Variants in SNTG1 observed in about 807,000 individuals in gnomAD.
The protein encoded by SNTG1 is syntrophin gamma 1, also known as gamma-1-syntrophin.
SNTG1 carries 39 observed loss-of-function variants against 74.7 expected under a neutral mutation model. That is an observed-to-expected ratio of 0.52 (90% CI 0.40 to 0.68). SNTG1 has a LOEUF of 0.68. Among genes scored for constraint, SNTG1 ranks in the 30% least tolerant of loss-of-function variants. The pLI is 0.00. For synonymous variants in SNTG1, 254 were observed against 217.1 expected (o/e 1.17, Z -1.49); for missense variants, 685 against 609.5 (o/e 1.12, Z -1.30).
intron 8 of SNTG1, among the ~76,000 whole-genome samples, chr8:50,456,485 A>G (rs1408558299): frequency 3.9e-5 from 6 of 152,076 alleles, no homozygotes; most frequent in Non-Finnish European, 7.4e-5. Context: ...CTTTAAAGAT[A>G]GTGTCTTTTT....
At chr8:50,582,186 G>T (rs189566832) in intron 12 of SNTG1, among the ~76,000 whole-genome samples, 1 of 152,146 alleles carries the variant, frequency 6.6e-6, no homozygotes, top group Non-Finnish European at 1.5e-5. Context: ...TGCTTTTTAA[G>T]TGATTAGCTT....
chr8:50,326,184 T>C (rs926814973), intron 2 of SNTG1, among the ~76,000 whole-genome samples: 1 of 152,054 alleles, frequency 6.6e-6, no homozygotes, highest in South Asian at 2.1e-4. Flanking sequence ...CTTTATATTG[T>C]TTTTATATTA....
chr8:50,137,262 G>A (rs951854532), intron 1 of SNTG1, among the ~76,000 whole-genome samples: 2 of 152,134 alleles, frequency 1.3e-5, no homozygotes, highest in African/African-American at 4.8e-5. Context: ...AAATTTAAAA[G>A]GGTGCATAAC....
intron 13 of SNTG1, among the ~76,000 whole-genome samples, chr8:50,625,103 G>C (rs1474002283): frequency 6.6e-6 from 1 of 152,104 alleles, no homozygotes; most frequent in Non-Finnish European, 1.5e-5. Flanking sequence ...CCTTGTCTAA[G>C]CTCTTCACAT....
intron 8 of SNTG1, among the ~76,000 whole-genome samples, chr8:50,494,120 T>G (rs80305986): frequency 6.7e-6 from 1 of 148,802 alleles, no homozygotes; most frequent in Non-Finnish European, 1.5e-5. Context: ...TATGTATATA[T>G]ACACACACAC....
chr8:49,942,190 A>G (rs1294571558), intron 1 of SNTG1, among the ~76,000 whole-genome samples: 1 of 152,100 alleles, frequency 6.6e-6, no homozygotes, highest in East Asian at 1.9e-4. Context: ...TTGATGCCCT[A>G]TTTGTCTTGA....
chr8:50,426,779 C>T (rs1042063883), intron 4 of SNTG1, among the ~76,000 whole-genome samples: 3 of 151,908 alleles, frequency 2.0e-5, no homozygotes, highest in African/African-American at 7.3e-5. Flanking sequence ...GAGCAACTTC[C>T]ATTCTTGTAA....
intron 4 of SNTG1, among the ~76,000 whole-genome samples, chr8:50,431,356 T>A (rs140794202): frequency 1.3e-5 from 2 of 152,212 alleles, no homozygotes; most frequent in African/African-American, 4.8e-5. Context: ...AGAATCTCCA[T>A]GTCTTTTTGC....
chr8:50,585,675 A>G (rs1433518979), intron 12 of SNTG1, among the ~76,000 whole-genome samples: 2 of 152,110 alleles, frequency 1.3e-5, no homozygotes, highest in Admixed American at 6.5e-5. Context: ...GCATTTTATT[A>G]CTAAAAATAT....
At chr8:50,434,395 G>A (rs1379290355) in intron 4 of SNTG1, among the ~76,000 whole-genome samples, 1 of 152,120 alleles carries the variant, frequency 6.6e-6, no homozygotes, top group Admixed American at 6.6e-5. Flanking sequence ...AATCCTTTGG[G>A]TAGATACTCA....
intron 12 of SNTG1, among the ~76,000 whole-genome samples, chr8:50,571,526 A>G (rs1036616565): frequency 2.0e-5 from 3 of 152,232 alleles, no homozygotes; most frequent in Non-Finnish European, 1.5e-5. Flanking sequence ...TTCACTGAGA[A>G]GCTGAGGCCA....
intron 2 of SNTG1, among the ~76,000 whole-genome samples, chr8:50,252,232 G>A (rs897241839): frequency 6.6e-6 from 1 of 151,926 alleles, no homozygotes; most frequent in Non-Finnish European, 1.5e-5. Context: ...AAAGTTTATA[G>A]CAATAAACAT....
intron 1 of SNTG1, among the ~76,000 whole-genome samples, chr8:50,129,896 C>T (rs893540308): frequency 6.6e-6 from 1 of 152,076 alleles, no homozygotes; most frequent in Non-Finnish European, 1.5e-5. Context: ...CCTCCACCTC[C>T]CAAAGTACTG....
At chr8:50,341,361 C>G (rs1587218808) in intron 2 of SNTG1, among the ~76,000 whole-genome samples, 1 of 151,854 alleles carries the variant, frequency 6.6e-6, no homozygotes, top group African/African-American at 2.4e-5. Flanking sequence ...ACAAATGGTA[C>G]TTTTTCCCCC....
chr8:50,024,196 C>A (rs1041126486), intron 1 of SNTG1, among the ~76,000 whole-genome samples: 3 of 152,038 alleles, frequency 2.0e-5, no homozygotes, highest in African/African-American at 7.2e-5. Context: ...TTAAGAGAAA[C>A]CTTATCATGG....
chr8:50,568,398 T>C (rs1449842099), intron 12 of SNTG1, among the ~76,000 whole-genome samples: 1 of 152,160 alleles, frequency 6.6e-6, no homozygotes, highest in Non-Finnish European at 1.5e-5. Context: ...GTTCTGTTTT[T>C]ACTTTTTGAG....
intron 1 of SNTG1, among the ~76,000 whole-genome samples, chr8:50,104,597 T>C (rs996177625): frequency 1.7e-4 from 26 of 152,172 alleles, no homozygotes; most frequent in African/African-American, 6.0e-4. Context: ...TTTTTCGCCG[T>C]CTGCTAGCTT....
At chr8:50,253,180 T>C (rs2129931332) in intron 2 of SNTG1, among the ~76,000 whole-genome samples, 1 of 152,152 alleles carries the variant, frequency 6.6e-6, no homozygotes, top group Admixed American at 6.6e-5. Flanking sequence ...TTCCAGCACT[T>C]TGGGAGGCTG....
intron 12 of SNTG1, among the ~76,000 whole-genome samples, chr8:50,580,170 C>G (rs143527781): frequency 6.6e-6 from 1 of 152,192 alleles, no homozygotes; most frequent in African/African-American, 2.4e-5. Flanking sequence ...TAACAACTGC[C>G]CTATTGGATT....
Sources: allele counts gnomAD v4.1 joint callset (sites outside exome capture counted in the v4.1 genomes callset), GRCh38; gene constraint gnomAD v4.1.1; transcripts MANE v1.5; gene names NCBI Gene and HGNC (gene_info 2026-07-23, HGNC 2026-07-21).